SPAG16: variants seen among roughly 807,000 people sequenced by gnomAD.
SPAG16 encodes sperm-associated antigen 16 protein.
In SPAG16, 86 loss-of-function variants were observed where a neutral mutation model predicts 80.4. That is an observed-to-expected ratio of 1.07 (90% CI 0.90 to 1.28). The LOEUF is 1.28. Ranked by LOEUF, SPAG16 falls within the 50% of genes most tolerant of loss-of-function variation. The pLI is 0.00. For synonymous variants in SPAG16, 294 were observed against 265.9 expected, an observed-to-expected ratio of 1.11 and a Z score of -1.03; for missense variants, 870 against 765.3, an observed-to-expected ratio of 1.14 and a Z score of -1.61.
rs540710255 is a variant in SPAG16, at chr2:213,546,175, A to C, written c.1070+56085A>C. ...AGTCAATTTCTCTACTTTTACTTTAATTTACATGATTTTTTTAAATCCTCT... is the reference window on the plus strand; with the variant it reads ...AGTCAATTTCTCTACTTTTACTTTACTTTACATGATTTTTTTAAATCCTCT... On this transcript the variant is annotated intron_variant, in intron 10 of 15. Coordinates refer to ENST00000331683, the MANE Select transcript of SPAG16 (RefSeq NM_024532.5). Among the ~76,000 whole-genome samples the C allele has an allele frequency of 7.8e-4, 119 of 152,148 alleles. 2 individuals are homozygous for C. The highest frequency in any genetic ancestry group is 3.4e-3 in the Middle Eastern group (1 of 294).
Position 214,026,576 on chromosome 2 carries a change from G to C in SPAG16, c.1527+12499G>C, listed in dbSNP as rs10171746. On this transcript the variant is annotated intron_variant, in intron 13 of 15. Coordinates refer to ENST00000331683, the MANE Select transcript of SPAG16 (RefSeq NM_024532.5). ...TTATAAACTAATATATAGGTTTAATGAAATTCCAAGGAGATCCTAATAATG... is the reference window on the plus strand; with the variant it reads ...TTATAAACTAATATATAGGTTTAATCAAATTCCAAGGAGATCCTAATAATG... 8.9e-3 allele frequency among the ~76,000 whole-genome samples: 1,354 copies of C among 151,502 alleles called. 18 individuals carry two copies. Among genetic ancestry groups the C allele is most frequent in the African/African-American group, 0.031 (1,298 of 41,456 alleles).
At chr2:213,500,586 CAG>C (rs1251733074) in intron 10 of SPAG16, among the ~76,000 whole-genome samples, 1 of 152,062 alleles carries the variant, frequency 6.6e-6, no homozygotes, top group Non-Finnish European at 1.5e-5. Flanking sequence ...GAGAGAGAGA[CAG>C]AGATTTATTT....
At chr2:213,929,000 CTTTTTTTT>C (rs59993057) in intron 11 of SPAG16, among the ~76,000 whole-genome samples, 2 of 40,834 alleles carry the variant, frequency 4.9e-5, no homozygotes, top group Non-Finnish European at 8.2e-5. Context: ...CTTTTCTTTT[CTTTTTTTT>C]TTTTTTTTTT....
intron 9 of SPAG16, among the ~76,000 whole-genome samples, chr2:213,376,973 C>T (rs2066911031): frequency 6.6e-6 from 1 of 152,076 alleles, no homozygotes; most frequent in South Asian, 2.1e-4. Context: ...TCAGCTGCCC[C>T]TGTTATGTAT....
At chr2:214,152,253 C>A (rs187744916) in intron 15 of SPAG16, among the ~76,000 whole-genome samples, 23 of 152,004 alleles carry the variant, frequency 1.5e-4, no homozygotes, top group African/African-American at 5.3e-4. Flanking sequence ...TAAATAGTAC[C>A]TTATCTGTCT....
intron 15 of SPAG16, among the ~76,000 whole-genome samples, chr2:214,193,199 T>A (rs999615383): frequency 4.6e-5 from 7 of 151,950 alleles, no homozygotes; most frequent in Non-Finnish European, 8.8e-5. Flanking sequence ...AAGGTAATTT[T>A]AAAAAATACA....
chr2:214,032,212 T>C (rs1223006013), intron 13 of SPAG16, among the ~76,000 whole-genome samples: 3 of 152,206 alleles, frequency 2.0e-5, no homozygotes, highest in East Asian at 1.9e-4. Flanking sequence ...TTTAATGAAG[T>C]TGCTCATGTC....
At chr2:213,376,444 A>G (rs1420505432) in intron 9 of SPAG16, among the ~76,000 whole-genome samples, 1 of 152,082 alleles carries the variant, frequency 6.6e-6, no homozygotes, top group Non-Finnish European at 1.5e-5. Context: ...ATTTAACGTA[A>G]TACCTACAGC....
intron 10 of SPAG16, among the ~76,000 whole-genome samples, chr2:213,843,578 AGGTG>A (rs967101180): frequency 1.3e-5 from 2 of 151,954 alleles, no homozygotes; most frequent in African/African-American, 4.8e-5. Context: ...AGGCCGGGCG[AGGTG>A]GCTCATGCCT....
At chr2:213,877,271 T>C (rs1559545515) in intron 11 of SPAG16, among the ~76,000 whole-genome samples, 1 of 152,226 alleles carries the variant, frequency 6.6e-6, no homozygotes, top group East Asian at 1.9e-4. Flanking sequence ...AGTTTTTCTG[T>C]TTATATGTCT....
intron 15 of SPAG16, among the ~76,000 whole-genome samples, chr2:214,330,204 G>T (rs1449208701): frequency 6.6e-6 from 1 of 151,538 alleles, no homozygotes; most frequent in African/African-American, 2.4e-5. Context: ...TTGAACCCGG[G>T]AGGTGGAGGT....
intron 3 of SPAG16, among the ~76,000 whole-genome samples, chr2:213,308,855 A>G (rs951824067): frequency 2.0e-5 from 3 of 152,148 alleles, no homozygotes; most frequent in Admixed American, 6.6e-5. Context: ...CTCAGGCCAC[A>G]TAGTCCCGTT....
intron 11 of SPAG16, among the ~76,000 whole-genome samples, chr2:213,880,273 T>C (rs1479807338): frequency 2.6e-5 from 4 of 152,250 alleles, no homozygotes; most frequent in African/African-American, 9.6e-5. Context: ...TTGTATGTCC[T>C]CTTTTGAGAA....
chr2:214,059,252 A>ATATG (rs1267428503), intron 13 of SPAG16, among the ~76,000 whole-genome samples: 1 of 99,462 alleles, frequency 1.0e-5, no homozygotes, highest in Non-Finnish European at 2.2e-5. Context: ...GTATGTATAT[A>ATATG]TATGTATGTA....
intron 10 of SPAG16, among the ~76,000 whole-genome samples, chr2:213,643,728 T>C (rs182604753): frequency 1.3e-5 from 2 of 149,926 alleles, no homozygotes; most frequent in East Asian, 2.0e-4. Context: ...GTCTTACGAT[T>C]GTGTGTTTTC....
chr2:213,460,755 A>G (rs2072313540), intron 9 of SPAG16, among the ~76,000 whole-genome samples: 1 of 152,194 alleles, frequency 6.6e-6, no homozygotes, highest in South Asian at 2.1e-4. Context: ...ATAGTTACAT[A>G]ATGCTACGGT....
chr2:213,619,280 A>G (rs2061695349), intron 10 of SPAG16, among the ~76,000 whole-genome samples: 1 of 152,190 alleles, frequency 6.6e-6, no homozygotes, highest in South Asian at 2.1e-4. Context: ...GAAATGGTTC[A>G]GGACAGTCAA....
chr2:213,289,957 A>G (rs532812335), intron 1 of SPAG16, among the ~76,000 whole-genome samples: 1 of 152,292 alleles, frequency 6.6e-6, no homozygotes, highest in African/African-American at 2.4e-5. Flanking sequence ...GCTCTGGTCC[A>G]TTTGCAGAAT....
At chr2:214,201,608 G>C (rs1209624414) in intron 15 of SPAG16, among the ~76,000 whole-genome samples, 1 of 152,136 alleles carries the variant, frequency 6.6e-6, no homozygotes, top group Non-Finnish European at 1.5e-5. Flanking sequence ...TTTAACTGGT[G>C]TGCTACTGAG....
Sources: allele counts gnomAD v4.1 joint callset (sites outside exome capture counted in the v4.1 genomes callset), GRCh38; gene constraint gnomAD v4.1.1; transcripts MANE v1.5; gene names NCBI Gene and HGNC (gene_info 2026-07-23, HGNC 2026-07-21).